The following LRRC37A3 variants were observed in gnomAD, a reference collection of about 807,000 sequenced individuals.
LRRC37A3 encodes the protein leucine-rich repeat-containing protein 37A3.
LRRC37A3 carries 25 observed loss-of-function variants against 106.2 expected under a neutral mutation model. The observed-to-expected ratio is 0.24, with a 90% CI of 0.17 to 0.33. LRRC37A3 has a LOEUF of 0.33. Among genes scored for constraint, LRRC37A3 ranks in the 10% least tolerant of loss-of-function variants. The pLI is 1.00. For missense variants in LRRC37A3, 712 were observed against 1,644.9 expected (o/e 0.43, Z 9.81); for synonymous variants, 305 against 635.8 (o/e 0.48, Z 7.83).
intron 11 of LRRC37A3, 60 bp downstream of exon 11, chr17:64,862,840 T>G: frequency 6.4e-7 from 1 of 1,573,870 alleles, no homozygotes. Context: ...TCATTAAAAA[T>G]AAAAAGTTTA....
intron 8 of LRRC37A3, among the ~76,000 whole-genome samples, chr17:64,881,693 A>G (rs1261581519): frequency 6.7e-6 from 1 of 149,508 alleles, no homozygotes. Context: ...AAGTGACTTG[A>G]GTAATGAACA....
At chr17:64,866,367 C>T (rs1020822027) in intron 10 of LRRC37A3, among the ~76,000 whole-genome samples, 31 of 151,350 alleles carry the variant, frequency 2.0e-4, no homozygotes, top group East Asian at 1.6e-3. Flanking sequence ...CAAAAATGAA[C>T]GGAGCAGAGT....
intron 8 of LRRC37A3, among the ~76,000 whole-genome samples, chr17:64,882,803 C>T (rs1973748896): frequency 6.6e-6 from 1 of 152,144 alleles, no homozygotes; most frequent in African/African-American, 2.4e-5. Flanking sequence ...TTAGTGCTTA[C>T]ATTCTTGGCA....
intron 10 of LRRC37A3, chr17:64,863,694 C>T (rs979601545): frequency 6.6e-6 from 1 of 152,358 alleles, no homozygotes; most frequent in African/African-American, 2.4e-5. Context: ...AATACAAATT[C>T]ATTCAGACAA....
chr17:64,863,334 G>C (rs1338174113), intron 10 of LRRC37A3: 2 of 350,776 alleles, frequency 5.7e-6, no homozygotes, highest in Non-Finnish European at 1.1e-5. Flanking sequence ...AGAGGAAGAA[G>C]GTAGACTTTT....
At chr17:64,855,038 T>C (rs1972630941) in intron 14 of LRRC37A3, among the ~76,000 whole-genome samples, 1 of 152,138 alleles carries the variant, frequency 6.6e-6, no homozygotes, top group Non-Finnish European at 1.5e-5. Context: ...GCTTTCACCA[T>C]GTTGGTCAGG....
chr17:64,878,697 C>T (rs545897480), intron 8 of LRRC37A3, among the ~76,000 whole-genome samples: 16 of 152,258 alleles, frequency 1.1e-4, no homozygotes, highest in South Asian at 1.0e-3. Context: ...GACAAAGACC[C>T]GGAGAAATTG....
At chr17:64,859,060 C>T (rs1454078666) in intron 12 of LRRC37A3, among the ~76,000 whole-genome samples, 177 bp from the exon 13 acceptor site, 3 of 152,094 alleles carry the variant, frequency 2.0e-5, no homozygotes, top group African/African-American at 7.2e-5. Context: ...TCAGGTGATC[C>T]TCCCACCTCA....
In LRRC37A3 at chr17:64,860,361, G is replaced by A. The variant is rs541489139; in HGVS notation, c.3785C>T (p.Ala1262Val). The A allele has an allele frequency of 5.6e-6, 9 of 1,613,968 alleles. No homozygotes were observed. The highest frequency in any genetic ancestry group is 4.4e-5 in the South Asian group (4 of 91,078). ...GTCTCTCACCTGTGGTAGGGCTTTT[G>A]CAGGGCTGGAGGTAGAAGGCGCGCC... ...SKGAPSTSSP[A>V]KALPQVRDRW... The change falls in exon 12 of 15, where the codon GCA (alanine) becomes GTA (valine). Residue 1262 changes from alanine to valine, a missense_variant. Coordinates refer to ENST00000584306, the MANE Select transcript of LRRC37A3 (RefSeq NM_199340.5).
intron 8 of LRRC37A3, among the ~76,000 whole-genome samples, chr17:64,880,625 TAAG>T (rs1236093375): frequency 1.3e-5 from 2 of 152,236 alleles, no homozygotes; most frequent in Admixed American, 6.5e-5. Flanking sequence ...AGTAAAAGTT[TAAG>T]AAGTACTGCT....
Position 64,887,494 on chromosome 17 carries a change from C to T in LRRC37A3, c.2754-608G>A, listed in dbSNP as rs1377875397. Among the ~76,000 whole-genome samples the T allele has an allele frequency of 1.1e-4, 6 of 55,540 alleles. 2 individuals are homozygous for T. The highest frequency in any genetic ancestry group is 5.6e-4 in the African/African-American group (6 of 10,778). The allele number at this position is 55,540 out of a possible 152,430, so 36.4% of individuals were successfully genotyped here. A position where few individuals can be genotyped will look rare whatever the true frequency, so the allele number is the denominator to read the frequency against. ...CTGCACTCCAGCCTGGGCGACAGAGCGAGATTCCGTCTCAAACAAACAAAC... is the reference window on the plus strand; with the variant it reads ...CTGCACTCCAGCCTGGGCGACAGAGTGAGATTCCGTCTCAAACAAACAAAC... On this transcript the variant is annotated intron_variant, in intron 6 of 14. Transcript: ENST00000584306.
chr17:64,869,370 C>T (rs1335351635), intron 8 of LRRC37A3, among the ~76,000 whole-genome samples: 1 of 151,324 alleles, frequency 6.6e-6, no homozygotes, highest in Admixed American at 6.6e-5. Flanking sequence ...AAGGATAGAA[C>T]GCGGGGAAGA....
rs138881063 is a variant in LRRC37A3 at position 64,860,830 on chromosome 17, C to G, written c.3316G>C (p.Glu1106Gln). The change falls in exon 12 of 15, where the codon GAG (glutamate) becomes CAG (glutamine). Residue 1106 changes from glutamate to glutamine, a missense_variant. By Grantham distance (29) the Glu-to-Gln change is conservative (BLOSUM62 2). Transcript: ENST00000584306. ...CTCTCGTCATTGGTGTCTAGCTGCT[C>G]ACTCCCAAAGCCTGACAAGTTGATG... ...SGINLSGFGS[E>Q]QLDTNDESDV... 1.9e-6 allele frequency: 3 copies of G among 1,614,092 alleles called. No individual in the cohort carries two copies. Among genetic ancestry groups the G allele is most frequent in the Non-Finnish European group, 2.5e-6 (3 of 1,180,056 alleles).
chr17:64,863,977 T>A (rs2143401525), intron 10 of LRRC37A3, among the ~76,000 whole-genome samples: 1 of 150,434 alleles, frequency 6.6e-6, no homozygotes, highest in Admixed American at 6.6e-5. Context: ...GCTAATTTTT[T>A]TTTTTTTTTT....
intron 10 of LRRC37A3, among the ~76,000 whole-genome samples, chr17:64,865,523 T>A (rs1324168838): frequency 6.6e-6 from 1 of 152,256 alleles, no homozygotes. Context: ...GGAAACATTT[T>A]CAAATGGTAT....
In LRRC37A3 at chr17:64,860,940, G is replaced by A. The variant is rs139628689; in HGVS notation, c.3206C>T (p.Ala1069Val). The A allele has an allele frequency of 3.0e-5, 49 of 1,613,834 alleles. No individual in the cohort carries two copies. The highest frequency in any genetic ancestry group is 8.0e-5 in the African/African-American group (6 of 74,866). The change falls in exon 12 of 15, where the codon GCG becomes GTG. Residue 1069 changes from alanine to valine, a missense_variant. Physicochemically the swap from Ala to Val is moderately conservative, Grantham distance 64. Coordinates refer to ENST00000584306, the MANE Select transcript of LRRC37A3 (RefSeq NM_199340.5). The part of the protein sequence containing the change: ...EEASVGNPEG[A>V]FMKVLQARKN... ...CCGGGCTTGTAACACCTTCATGAAC[G>A]CTCCTTCTGGATTCCCTACAGATGC...
chr17:64,893,900 C>T (rs1350722053), intron 4 of LRRC37A3, among the ~76,000 whole-genome samples: 1 of 148,800 alleles, frequency 6.7e-6, no homozygotes, highest in Non-Finnish European at 1.5e-5. Flanking sequence ...GATCCGCCCG[C>T]CTCGGCCTCC....
intron 2 of LRRC37A3, among the ~76,000 whole-genome samples, chr17:64,912,463 T>C (rs1398849515): frequency 6.6e-6 from 1 of 151,860 alleles, no homozygotes; most frequent in Non-Finnish European, 1.5e-5. Flanking sequence ...GTAGGTAGGT[T>C]AGGTATATAT....
At chr17:64,861,545 G>A (rs578027241) in intron 11 of LRRC37A3, among the ~76,000 whole-genome samples, 7 of 152,158 alleles carry the variant, frequency 4.6e-5, no homozygotes, top group African/African-American at 7.2e-5. Context: ...CTGCTCCCAC[G>A]TGTGGTAGCC....
Sources: allele counts gnomAD v4.1 joint callset (sites outside exome capture counted in the v4.1 genomes callset), GRCh38; gene constraint gnomAD v4.1.1; transcripts MANE v1.5; gene names NCBI Gene and HGNC (gene_info 2026-07-23, HGNC 2026-07-21).